PELP1: variants seen among roughly 807,000 people sequenced by gnomAD.
PELP1 encodes the protein proline, glutamate and leucine rich protein 1.
PELP1 carries 32 observed loss-of-function variants against 95.5 expected under a neutral mutation model. That is an observed-to-expected ratio of 0.34 (90% CI 0.25 to 0.45). The LOEUF (loss-of-function observed/expected upper bound fraction) is 0.45. Among genes scored for constraint, PELP1 ranks in the 20% least tolerant of loss-of-function variants. The pLI, the probability that PELP1 is intolerant of heterozygous loss-of-function variation, is 1.00. For missense variants in PELP1, 1,358 were observed against 1,444.8 expected (o/e 0.94, Z 0.97); for synonymous variants, 668 against 600.1 (o/e 1.11, Z -1.65).
chr17:4,673,218 A>G lies in PELP1; in HGVS notation c.1845+32T>C. 1 of 1,545,766 alleles carries G rather than the reference A, an allele frequency of 6.5e-7. No individual in the cohort carries two copies. The highest frequency in any genetic ancestry group is 8.8e-7 in the Non-Finnish European group (1 of 1,141,058). On this transcript the variant is annotated intron_variant, in intron 15 of 16. Coordinates refer to ENST00000572293, the MANE Select transcript of PELP1 (RefSeq NM_014389.3). This position sits in a 1 kb window ranked among gnomAD's most constrained non-coding sequence, Gnocchi z 5.7. ...TCTCTTGGAAACAAGAGACTCCAGGAACCAAAGAGGGGCTTGGCCCATCAC... is the reference window on the plus strand; with the variant it reads ...TCTCTTGGAAACAAGAGACTCCAGGGACCAAAGAGGGGCTTGGCCCATCAC...
intron 5 of PELP1, among the ~76,000 whole-genome samples, chr17:4,678,682 T>C (rs897807039): frequency 1.2e-4 from 18 of 152,290 alleles, no homozygotes; most frequent in African/African-American, 4.3e-4. Flanking sequence ...TAGGTCAGTC[T>C]TCCCACCCAT....
intron 5 of PELP1, among the ~76,000 whole-genome samples, chr17:4,680,882 C>T (rs1315812838): frequency 2.6e-5 from 4 of 152,240 alleles, no homozygotes; most frequent in African/African-American, 9.6e-5. Flanking sequence ...GGCCCTTTAA[C>T]TGTGACTGCT....
chr17:4,704,012 G>A lies in PELP1; in HGVS notation c.100C>T (p.Arg34Cys). 3.1e-6 allele frequency: 5 copies of A among 1,613,170 alleles called. No individual in the cohort carries two copies. Among genetic ancestry groups the A allele is most frequent in the Non-Finnish European group, 4.2e-6 (5 of 1,179,726 alleles). The stretch of plus-strand genomic sequence containing the variant: ...GAAACACTCTCCAGCAGCAGCAGGC[G>A]GAGCCGCGGGCCCGAGCTCACTGCC... The part of the protein sequence containing the change: ...LSAVSSGPRL[R>C]LLLLESVSGL... Residue 34 changes from arginine (R) to cysteine (C), a missense_variant, in exon 1 of 17, where the codon CGC (arginine) becomes TGC (cysteine). Transcript: ENST00000572293.
At chr17:4,696,670 G>A (rs1913309340) in intron 1 of PELP1, 1 of 152,212 alleles carries the variant, frequency 6.6e-6, no homozygotes, top group Non-Finnish European at 1.5e-5. Flanking sequence ...AGATGAGGTA[G>A]AAGGTTACTG....
intron 1 of PELP1, among the ~76,000 whole-genome samples, chr17:4,703,482 A>G (rs963740575): frequency 3.3e-5 from 5 of 152,160 alleles, no homozygotes; most frequent in Admixed American, 2.0e-4. Flanking sequence ...CTGACCCTCA[A>G]TAAGAGCTCG....
intron 3 of PELP1, among the ~76,000 whole-genome samples, chr17:4,683,372 C>T (rs1251172045): frequency 6.6e-5 from 10 of 151,814 alleles, no homozygotes; most frequent in Non-Finnish European, 1.0e-4. Context: ...AAGCGCCCGC[C>T]ACCACGCCTG....
chr17:4,691,294 C>T (rs143623124), intron 2 of PELP1, 84 bp downstream of exon 2: 34 of 967,640 alleles, frequency 3.5e-5, no homozygotes, highest in Admixed American at 5.7e-5. Context: ...ATCCTGGGGA[C>T]GGTGACAATG....
chr17:4,685,067 C>T (rs1361403953), intron 3 of PELP1, among the ~76,000 whole-genome samples: 2 of 152,202 alleles, frequency 1.3e-5, no homozygotes, highest in African/African-American at 4.8e-5. Flanking sequence ...ATCGTTAGAG[C>T]CCAGCATCTC....
At chr17:4,676,848 C>G (rs370854609) in intron 5 of PELP1, 36 bp from the exon 6 acceptor site, 1 of 1,504,310 alleles carries the variant, frequency 6.6e-7, no homozygotes, top group Non-Finnish European at 9.1e-7. Context: ...GGCCAGTGAG[C>G]CAGCTCTGAG....
In PELP1 at chr17:4,675,118, C is replaced by T; in HGVS notation, c.1235G>A (p.Gly412Asp). 1.2e-6 allele frequency: 2 copies of T among 1,613,912 alleles called. No individual in the cohort carries two copies. The highest frequency in any genetic ancestry group is 1.7e-6 in the Non-Finnish European group (2 of 1,179,882). The change falls in exon 11 of 17, where the codon GGT becomes GAT. Residue 412 changes from glycine to aspartate, a missense_variant. By Grantham distance (94) the Gly-to-Asp change is moderately conservative. This residue lies in a region of PELP1 where 538 missense variants were observed against 628.1 expected (regional missense o/e 0.86). Transcript: ENST00000572293. This position sits in a 1 kb window ranked among gnomAD's most constrained non-coding sequence, Gnocchi z 4.3. The stretch of plus-strand genomic sequence containing the variant: ...CTGGCCTGGAGAGAGGGAATCTCTA[C>T]CGATGCTCCAGGAATTGAGGACCTG... ...LPQVLNSWSI[G>D]RDSLSPGQER...
At chr17:4,696,691 G>A (rs933520172) in intron 1 of PELP1, 1 of 152,188 alleles carries the variant, frequency 6.6e-6, no homozygotes, top group African/African-American at 2.4e-5. Context: ...TAATATTCCA[G>A]ACAAATGATG....
At chr17:4,678,878 G>C (rs766236885) in intron 5 of PELP1, among the ~76,000 whole-genome samples, 1 of 152,122 alleles carries the variant, frequency 6.6e-6, no homozygotes, top group Non-Finnish European at 1.5e-5. Context: ...CTTCAAAACG[G>C]CAGTTATCAG....
At chr17:4,676,692 G>T in intron 6 of PELP1, 61 bp downstream of exon 6, 3 of 1,448,284 alleles carry the variant, frequency 2.1e-6, no homozygotes, top group Non-Finnish European at 2.8e-6. Flanking sequence ...TAGAGGAGGA[G>T]CAGCAAGAGA....
In PELP1 at chr17:4,676,060, G is replaced by A. The variant is rs1912458117; in HGVS notation, c.956C>T (p.Ala319Val). ...CCTGAGCATGAGCCCTAGGCAGCGG[G>A]CCAGTCCCGAAAACCTCTGCCGAAG... ...LQLRQRFSGL[A>V]RCLGLMLSSE... is the part of the protein sequence containing the mutation. Residue 319 changes from alanine (A) to valine (V), a missense_variant, in exon 8 of 17, where the codon GCC (alanine) becomes GTC (valine). By Grantham distance (64) the Ala-to-Val change is moderately conservative. Transcript: ENST00000572293. 1 of 1,613,760 alleles carries A rather than the reference G, an allele frequency of 6.2e-7. No individual in the cohort carries two copies.
At position 4,676,381 on chromosome 17, in the gene PELP1, C is replaced by A; in HGVS notation, c.829G>T (p.Ala277Ser). 2 of 1,613,544 alleles carry A rather than the reference C, an allele frequency of 1.2e-6. No individual in the cohort carries two copies. The highest frequency in any genetic ancestry group is 1.7e-6 in the Non-Finnish European group (2 of 1,179,630). The stretch of plus-strand genomic sequence containing the variant: ...CCAGTCTCTGCTCCCTCGTACAGGG[C>A]CCCCAGCAGGGTGTGCAGTGAGGCC... The part of the protein sequence containing the change: ...LLASLHTLLG[A>S]LYEGAETAPV... Residue 277 changes from alanine (A) to serine (S), a missense_variant, in exon 7 of 17, where the codon GCC becomes TCC. Ala to Ser is a moderately conservative substitution (Grantham distance 99, BLOSUM62 1). Around this residue, in one of 7 missense-constraint regions of PELP1, gnomAD observed 538 missense variants for 628.1 expected, o/e 0.86. Transcript: ENST00000572293.
At position 4,673,934 on chromosome 17, in the gene PELP1, T is replaced by TC. The variant is rs1912345742; in HGVS notation, c.1583-261dup. 3 of 463,606 alleles carry TC rather than the reference T, an allele frequency of 6.5e-6. No individual in the cohort carries two copies. Among genetic ancestry groups the TC allele is most frequent in the South Asian group, 5.2e-5 (2 of 38,704 alleles). The allele number at this position is 463,606 out of a possible 1,614,324, so 28.7% of individuals were successfully genotyped here. ...TTATATATTTGGGAACAATCGGTTCTCCCCTTCCCATGGGATGGGGTGGCA... is the reference window on the plus strand; with the variant it reads ...TTATATATTTGGGAACAATCGGTTCTCCCCCTTCCCATGGGATGGGGTGGCA... On this transcript the variant is annotated intron_variant, in intron 13 of 16. Coordinates refer to ENST00000572293, the MANE Select transcript of PELP1 (RefSeq NM_014389.3). This position sits in a 1 kb window ranked among gnomAD's most constrained non-coding sequence, Gnocchi z 5.7.
intron 3 of PELP1, among the ~76,000 whole-genome samples, chr17:4,686,724 G>A (rs1912921235): frequency 6.6e-6 from 1 of 151,900 alleles, no homozygotes. Context: ...CACCATGTTG[G>A]CCAGGCTGGT....
In PELP1 at chr17:4,693,762, C is replaced by T. The variant is rs1913195750; in HGVS notation, c.250-2320G>A. ...GTCCATCACGCTGCTCAGAATGGCA[C>T]GTAATTTAAAACTTATGAATTACTT... On this transcript the variant is annotated intron_variant, in intron 1 of 16. Transcript: ENST00000572293. Among the ~76,000 whole-genome samples the T allele has an allele frequency of 5.3e-5, 8 of 152,064 alleles. No homozygotes were observed. In the South Asian group the frequency reaches 1.2e-3, roughly 24 times the overall value.
intron 13 of PELP1, 31 bp downstream of exon 13, chr17:4,674,479 C>T (rs1202997709): frequency 6.3e-7 from 1 of 1,595,818 alleles, no homozygotes; most frequent in Admixed American, 1.8e-5. Flanking sequence ...CCGTTTGAGC[C>T]CCAGTGGTCC....
Sources: gnomAD v4.1 joint callset for allele counts (sites outside exome capture counted in the v4.1 genomes callset) on GRCh38, gnomAD v4.1.1 for gene constraint, gnomAD v4.1.1 regional missense constraint, Gnocchi (gnomAD v3.1) non-coding constraint, MANE v1.5 for transcripts, NCBI Gene and HGNC (gene_info 2026-07-23, HGNC 2026-07-21) for gene names.